USH2A: variants seen among roughly 807,000 people sequenced by gnomAD.
USH2A encodes the protein usherin.
In USH2A, 443 loss-of-function variants were observed where a neutral mutation model predicts 538.9. The observed-to-expected ratio is 0.82, with a 90% CI of 0.76 to 0.89. The LOEUF (loss-of-function observed/expected upper bound fraction) is 0.89, where lower values mean the gene tolerates loss of function less well. Among genes scored for constraint, USH2A ranks in the 40% least tolerant of loss-of-function variants. The pLI is 0.00. For missense variants in USH2A, 6,633 were observed against 6,324.8 expected, an observed-to-expected ratio of 1.05 and a Z score of -1.65; for synonymous variants, 2,413 against 2,273.5, an observed-to-expected ratio of 1.06 and a Z score of -1.75.
At position 216,219,023 on chromosome 1, in the gene USH2A, T is replaced by C. The variant is rs1313449567; in HGVS notation, c.2994-1473A>G. Among the ~76,000 whole-genome samples, 5 of 151,990 alleles carry C rather than the reference T, an allele frequency of 3.3e-5. No homozygotes were observed. In the East Asian group the frequency reaches 9.6e-4, roughly 29 times the overall value. On this transcript the variant is annotated intron_variant, in intron 14 of 71. Coordinates refer to ENST00000307340, the MANE Select transcript of USH2A (RefSeq NM_206933.4). ...GTGTGTGTGTGTGTATATATGTATG[T>C]GTAACTGCACCACTCATGAATAAGT...
chr1:216,078,561 T>A (rs1295274644), intron 26 of USH2A, among the ~76,000 whole-genome samples, 199 bp from the exon 27 acceptor site: 1 of 152,152 alleles, frequency 6.6e-6, no homozygotes, highest in Non-Finnish European at 1.5e-5. Flanking sequence ...ACATGAAGAA[T>A]GTTGTATTGA....
chr1:216,368,169 T>C (rs1028937654), intron 3 of USH2A, among the ~76,000 whole-genome samples: 1 of 151,840 alleles, frequency 6.6e-6, no homozygotes, highest in African/African-American at 2.4e-5. Context: ...GTCCCTGTGA[T>C]AGATTGTACT....
intron 67 of USH2A, among the ~76,000 whole-genome samples, chr1:215,643,024 C>T (rs1368269305): frequency 6.6e-6 from 1 of 152,192 alleles, no homozygotes; most frequent in Non-Finnish European, 1.5e-5. Context: ...GAGTTGGACT[C>T]TTGCTCTGTT....
intron 38 of USH2A, among the ~76,000 whole-genome samples, chr1:215,928,903 A>G (rs1278797029): frequency 1.3e-5 from 2 of 152,144 alleles, no homozygotes; most frequent in Admixed American, 6.6e-5. Context: ...TCATTAATAT[A>G]TTATTCCTTT....
chr1:215,812,306 T>C (rs975207191), intron 49 of USH2A, among the ~76,000 whole-genome samples: 1 of 152,124 alleles, frequency 6.6e-6, no homozygotes, highest in African/African-American at 2.4e-5. Context: ...TTTTGAATTT[T>C]CTGGGAGACT....
chr1:215,961,748 C>A (rs1667206170), intron 37 of USH2A, among the ~76,000 whole-genome samples: 1 of 151,398 alleles, frequency 6.6e-6, no homozygotes. Flanking sequence ...ACAACCCAAG[C>A]CAGTGGGGAA....
Position 216,422,848 on chromosome 1 carries a change from T to C in USH2A, c.-204-308A>G, listed in dbSNP as rs545967516. Among the ~76,000 whole-genome samples, 10 of 151,588 alleles carry C rather than the reference T, an allele frequency of 6.6e-5. No individual in the cohort carries two copies. In the South Asian group the frequency reaches 1.9e-3, roughly 28 times the overall value. ...ATAATTATTAATAATATATTACACA[T>C]ACAATAATTTTGTGTTGTTACTTCA... is the stretch of plus-strand genomic sequence containing the variant. On this transcript the variant is annotated intron_variant, in intron 1 of 71. Coordinates refer to ENST00000307340, the MANE Select transcript of USH2A (RefSeq NM_206933.4).
chr1:216,418,387 C>A (rs2102783563), intron 3 of USH2A, 127 bp downstream of exon 3: 1 of 1,069,950 alleles, frequency 9.3e-7, no homozygotes, highest in South Asian at 1.4e-5. Flanking sequence ...CTTTAGTTGT[C>A]ATTTATACAC....
intron 3 of USH2A, among the ~76,000 whole-genome samples, chr1:216,403,584 C>T (rs1411547823): frequency 6.6e-6 from 1 of 152,072 alleles, no homozygotes; most frequent in Non-Finnish European, 1.5e-5. Context: ...TTTTGAAATA[C>T]AAGATCACCC....
intron 47 of USH2A, among the ~76,000 whole-genome samples, chr1:215,832,746 G>C (rs767140732): frequency 6.6e-6 from 1 of 151,542 alleles, no homozygotes; most frequent in Non-Finnish European, 1.5e-5. Flanking sequence ...CAATAAGGCA[G>C]GAAAAAGAAA....
intron 61 of USH2A, among the ~76,000 whole-genome samples, chr1:215,713,709 A>G (rs1439606212): frequency 5.3e-5 from 8 of 152,202 alleles, no homozygotes. Flanking sequence ...TGAAACTTTT[A>G]TCAATTGTTT....
At chr1:215,964,018 G>T (rs553451847) in intron 37 of USH2A, among the ~76,000 whole-genome samples, 15 of 152,210 alleles carry the variant, frequency 9.9e-5, no homozygotes, top group Admixed American at 9.2e-4. Context: ...TTCTCTTGCC[G>T]CGCAGCTTTG....
chr1:215,895,154 T>A (rs1665300260), intron 40 of USH2A, among the ~76,000 whole-genome samples: 1 of 152,216 alleles, frequency 6.6e-6, no homozygotes, highest in Non-Finnish European at 1.5e-5. Flanking sequence ...TTTTAGTCCC[T>A]GGTACACAGT....
intron 37 of USH2A, among the ~76,000 whole-genome samples, chr1:215,954,579 G>T (rs1267371474): frequency 4.7e-5 from 5 of 107,344 alleles, no homozygotes; most frequent in Admixed American, 2.4e-4. Context: ...TGGGGGGAGG[G>T]GGGAGGGATA....
At chr1:215,669,116 A>G (rs1226287098) in intron 64 of USH2A, among the ~76,000 whole-genome samples, 1 of 152,140 alleles carries the variant, frequency 6.6e-6, no homozygotes, top group Admixed American at 6.5e-5. Context: ...ATTTAACCCA[A>G]TGACACAACA....
At chr1:215,918,259 T>C (rs1477700196) in intron 38 of USH2A, among the ~76,000 whole-genome samples, 1 of 152,078 alleles carries the variant, frequency 6.6e-6, no homozygotes, top group Non-Finnish European at 1.5e-5. Context: ...ATGTGGGGTG[T>C]CTGCTATGGT....
At chr1:216,401,010 A>G (rs1435146543) in intron 3 of USH2A, among the ~76,000 whole-genome samples, 1 of 152,126 alleles carries the variant, frequency 6.6e-6, no homozygotes, top group Non-Finnish European at 1.5e-5. Flanking sequence ...GAATATCAGA[A>G]TGAATAAAAT....
At chr1:216,241,339 A>G (rs1242940582) in intron 13 of USH2A, among the ~76,000 whole-genome samples, 2 of 152,210 alleles carry the variant, frequency 1.3e-5, no homozygotes, top group Admixed American at 1.3e-4. Context: ...TAGGAAAATG[A>G]TAAGGCAGGG....
In USH2A at chr1:215,630,623, C is replaced by CGGGT. The variant is rs1328010005; in HGVS notation, c.15298-1592_15298-1589dup. Among the ~76,000 whole-genome samples the CGGGT allele has an allele frequency of 3.3e-5, 5 of 149,768 alleles. 2 individuals carry two copies. The highest frequency in any genetic ancestry group is 1.2e-4 in the African/African-American group (5 of 40,652). On this transcript the variant is annotated intron_variant, in intron 70 of 71. Coordinates refer to ENST00000307340, the MANE Select transcript of USH2A (RefSeq NM_206933.4). ...ATCCCAGCAATTTGGGAGGCCAAGACGGGTGGATCATTTGAGGTCAGGAGT... is the reference window on the plus strand; with the variant it reads ...ATCCCAGCAATTTGGGAGGCCAAGACGGGTGGGTGGATCATTTGAGGTCAGGAGT...
Sources: allele counts gnomAD v4.1 joint callset (sites outside exome capture counted in the v4.1 genomes callset), GRCh38; gene constraint gnomAD v4.1.1; transcripts MANE v1.5; gene names NCBI Gene and HGNC (gene_info 2026-07-23, HGNC 2026-07-21).